Variants in GALNT13 observed in about 807,000 individuals in gnomAD.
GALNT13 encodes the protein polypeptide N-acetylgalactosaminyltransferase 13.
Under a neutral mutation model 64.2 loss-of-function variants are expected in GALNT13, and 28 were observed. That is an observed-to-expected ratio of 0.44 (90% confidence interval 0.32 to 0.60). The LOEUF (loss-of-function observed/expected upper bound fraction) is 0.60, where lower values mean the gene tolerates loss of function less well. Ranked by LOEUF, GALNT13 falls within the 20% of genes least tolerant of loss-of-function variation. The pLI, the probability that GALNT13 is intolerant of heterozygous loss-of-function variation, is 0.05. For missense variants in GALNT13, 577 were observed against 669.8 expected (o/e 0.86, Z 1.53); for synonymous variants, 214 against 224.6 (o/e 0.95, Z 0.42).
chr2:153,935,834 T>C (rs556375102), intron 2 of GALNT13, among the ~76,000 whole-genome samples: 1 of 152,340 alleles, frequency 6.6e-6, no homozygotes, highest in African/African-American at 2.4e-5. Flanking sequence ...TCCCCACAAC[T>C]CTTGGTGTAC....
the GALNT13 span, among the ~76,000 whole-genome samples, chr2:153,533,679 T>G: frequency 6.7e-6 from 1 of 148,802 alleles, no homozygotes; most frequent in Non-Finnish European, 1.5e-5. Context: ...GTATGTTGCA[T>G]TTTTCATAGA....
intron 9 of GALNT13, among the ~76,000 whole-genome samples, chr2:154,367,729 T>C (rs1046727358): frequency 6.6e-6 from 1 of 152,196 alleles, no homozygotes; most frequent in African/African-American, 2.4e-5. Flanking sequence ...AAAAAGAGTA[T>C]GTTTTTATGA....
intron 2 of GALNT13, among the ~76,000 whole-genome samples, chr2:153,904,134 C>T (rs1200387356): frequency 6.6e-6 from 1 of 151,824 alleles, no homozygotes; most frequent in Non-Finnish European, 1.5e-5. Context: ...TTTTAAGTTT[C>T]TTTAATGTTT....
At chr2:153,146,834 T>G in the GALNT13 span, among the ~76,000 whole-genome samples, 7 of 151,918 alleles carry the variant, frequency 4.6e-5, no homozygotes, top group Non-Finnish European at 8.8e-5. Context: ...CATATAACTA[T>G]TTGCTCATGG....
intron 9 of GALNT13, among the ~76,000 whole-genome samples, chr2:154,360,851 G>A (rs960984716): frequency 6.6e-6 from 1 of 152,016 alleles, no homozygotes; most frequent in Non-Finnish European, 1.5e-5. Flanking sequence ...AGAGAAGGAA[G>A]GATGAGATTA....
At chr2:153,698,219 G>A in the GALNT13 span, among the ~76,000 whole-genome samples, 1 of 152,106 alleles carries the variant, frequency 6.6e-6, no homozygotes, top group Non-Finnish European at 1.5e-5. Flanking sequence ...ACATTATGAT[G>A]ACAGAATCAA....
the GALNT13 span, among the ~76,000 whole-genome samples, chr2:153,293,027 C>A: frequency 2.6e-5 from 4 of 152,156 alleles, no homozygotes; most frequent in African/African-American, 9.6e-5. Context: ...TGGTCATACC[C>A]TCTCTCTTCC....
chr2:153,328,001 G>GTCA, the GALNT13 span, among the ~76,000 whole-genome samples: 1 of 152,092 alleles, frequency 6.6e-6, no homozygotes, highest in Non-Finnish European at 1.5e-5. Context: ...TTTTGTTGAT[G>GTCA]TTGATGCTAC....
At chr2:153,213,980 T>A in the GALNT13 span, among the ~76,000 whole-genome samples, 1 of 152,316 alleles carries the variant, frequency 6.6e-6, no homozygotes, top group East Asian at 1.9e-4. Flanking sequence ...GCCATTCTTA[T>A]GCAACCCCGA....
chr2:154,056,017 G>A (rs1216743708), intron 3 of GALNT13, among the ~76,000 whole-genome samples: 1 of 152,048 alleles, frequency 6.6e-6, no homozygotes, highest in Non-Finnish European at 1.5e-5. Flanking sequence ...TTCTGTGACA[G>A]GCTTTTCTTC....
intron 3 of GALNT13, among the ~76,000 whole-genome samples, chr2:154,116,910 G>T (rs758248751): frequency 1.3e-3 from 205 of 152,184 alleles, no homozygotes; most frequent in Non-Finnish European, 2.4e-3. Context: ...TAGATATAAA[G>T]GGGAGTTTAT....
At chr2:153,884,705 G>A (rs1488170619) in intron 1 of GALNT13, among the ~76,000 whole-genome samples, 3 of 149,564 alleles carry the variant, frequency 2.0e-5, no homozygotes, top group Non-Finnish European at 4.4e-5. Flanking sequence ...GATCATCTGA[G>A]GTCAGGAGTT....
the GALNT13 span, among the ~76,000 whole-genome samples, chr2:153,656,369 T>C: frequency 6.6e-6 from 1 of 151,892 alleles, no homozygotes; most frequent in Non-Finnish European, 1.5e-5. Context: ...TGTGCATGTG[T>C]ATGTGCATTC....
intron 3 of GALNT13, among the ~76,000 whole-genome samples, chr2:153,963,898 T>G (rs1386114743): frequency 2.0e-5 from 3 of 152,136 alleles, no homozygotes; most frequent in Non-Finnish European, 2.9e-5. Context: ...GAGCAGAAAT[T>G]TTTAACTCTG....
At chr2:153,667,481 TAAAG>T in the GALNT13 span, among the ~76,000 whole-genome samples, 1 of 152,168 alleles carries the variant, frequency 6.6e-6, no homozygotes, top group Admixed American at 6.6e-5. Context: ...TCAGCATTCT[TAAAG>T]AAAAGAAATT....
intron 4 of GALNT13, among the ~76,000 whole-genome samples, chr2:154,172,541 T>G (rs902558765): frequency 6.6e-6 from 1 of 152,022 alleles, no homozygotes; most frequent in African/African-American, 2.4e-5. Flanking sequence ...GAACACGTAG[T>G]ATTTATTTTT....
chr2:153,649,529 C>G, the GALNT13 span, among the ~76,000 whole-genome samples: 7 of 130,280 alleles, frequency 5.4e-5, no homozygotes, highest in Non-Finnish European at 1.2e-4. Flanking sequence ...TTTGCTCTTG[C>G]TTTTCTAGTT....
chr2:154,242,629 G>T (rs1405477481), intron 5 of GALNT13, 69 bp from the exon 6 acceptor site: 2 of 951,312 alleles, frequency 2.1e-6, no homozygotes, highest in East Asian at 2.6e-5. Context: ...TTTCCATCTT[G>T]GTAGTATCTC....
the GALNT13 span, among the ~76,000 whole-genome samples, chr2:153,828,050 C>T: frequency 6.6e-6 from 1 of 152,250 alleles, no homozygotes; most frequent in African/African-American, 2.4e-5. Context: ...CACGCTGATG[C>T]AAGAGGCAGG....
Sources: gnomAD v4.1 joint callset for allele counts (sites outside exome capture counted in the v4.1 genomes callset) on GRCh38, gnomAD v4.1.1 for gene constraint, MANE v1.5 for transcripts, NCBI Gene and HGNC (gene_info 2026-07-23, HGNC 2026-07-21) for gene names.